CPEB4: variants seen among roughly 807,000 people sequenced by gnomAD.
CPEB4 encodes the protein cytoplasmic polyadenylation element-binding protein 4.
In CPEB4, 12 loss-of-function variants were observed where a neutral mutation model predicts 72.5. That is an observed-to-expected ratio of 0.17 (90% CI 0.11 to 0.27). The LOEUF is 0.27. Ranked by LOEUF, CPEB4 falls within the 10% of genes least tolerant of loss-of-function variation. CPEB4 has a pLI of 1.00. For synonymous variants in CPEB4, 302 were observed against 326.3 expected (o/e 0.93, Z 0.80); for missense variants, 614 against 908.5 (o/e 0.68, Z 4.17).
intron 3 of CPEB4, among the ~76,000 whole-genome samples, chr5:173,933,898 C>G (rs10516108): frequency 0.1 from 15,847 of 152,142 alleles, 1,089 homozygotes; most frequent in Middle Eastern, 0.21. Context: ...AAGCTAAATT[C>G]ACTTAACTAG....
At chr5:173,914,772 A>T (rs1355432286) in intron 2 of CPEB4, among the ~76,000 whole-genome samples, 1 of 152,194 alleles carries the variant, frequency 6.6e-6, no homozygotes, top group Non-Finnish European at 1.5e-5. Context: ...AAGGAAAGAG[A>T]AGAAAATTCG....
chr5:173,888,492 G>C lies in CPEB4; in HGVS notation c.-1242G>C. The C allele has an allele frequency of 2.3e-6, 1 of 428,174 alleles. No homozygotes were observed. Among genetic ancestry groups the C allele is most frequent in the Non-Finnish European group, 4.1e-6 (1 of 245,186 alleles). The allele number at this position is 428,174 out of a possible 1,614,324, so 26.5% of individuals were successfully genotyped here. A position where few individuals can be genotyped will look rare whatever the true frequency, so the allele number is the denominator to read the frequency against. ...AAGGAAAGAAAAAGAAGAACCAGGA[G>C]GAGTCCTCAACAACGACAGCGGGGA... On this transcript the variant is annotated 5_prime_UTR_variant, in exon 1 of 10. Transcript: ENST00000265085. The surrounding 1 kb of genome is among the most constrained non-coding windows in gnomAD (Gnocchi z 4.3).
At position 173,960,155 on chromosome 5, in the gene CPEB4, AAC is replaced by A. The variant is rs552584560; in HGVS notation, c.*4022_*4023del. On this transcript the variant is annotated 3_prime_UTR_variant, in exon 10 of 10. Transcript: ENST00000265085. ...TGTATGTTCTACTCTTAAGTTATAT[AAC>A]ACAGTTCCTTTTTTAAAAGAGTTCA... 4.6e-4 allele frequency: 70 copies of A among 152,830 alleles called. No homozygotes were observed. The highest frequency in any genetic ancestry group is 1.6e-3 in the African/African-American group (66 of 41,568). The allele number at this position is 152,830 out of a possible 1,614,324, so 9.5% of individuals were successfully genotyped here.
intron 2 of CPEB4, among the ~76,000 whole-genome samples, chr5:173,926,963 A>C (rs1040993753): frequency 3.3e-5 from 5 of 152,176 alleles, no homozygotes; most frequent in African/African-American, 1.2e-4. Context: ...AGCCTGGCCA[A>C]CATGGTGAAA....
At position 173,907,528 on chromosome 5, in the gene CPEB4, C is replaced by T. The variant is rs894674719; in HGVS notation, c.1126-2995C>T. Among the ~76,000 whole-genome samples the T allele has an allele frequency of 3.3e-5, 5 of 152,248 alleles. No homozygotes were observed. In the East Asian group the frequency reaches 9.6e-4, roughly 29 times the overall value. ...AAAACAACACTAAACTTAATTCCTC[C>T]CCTCCCCCAAAAGAAAACATACAGC... On this transcript the variant is annotated intron_variant, in intron 1 of 9. Transcript: ENST00000265085.
At chr5:173,919,822 A>G (rs952998995) in intron 2 of CPEB4, among the ~76,000 whole-genome samples, 1 of 152,206 alleles carries the variant, frequency 6.6e-6, no homozygotes, top group African/African-American at 2.4e-5. Context: ...AAACTCCTGC[A>G]TGGACTTTCT....
At chr5:173,912,787 A>G (rs1045292718) in intron 2 of CPEB4, among the ~76,000 whole-genome samples, 3 of 151,420 alleles carry the variant, frequency 2.0e-5, no homozygotes, top group African/African-American at 4.8e-5. Context: ...TTAAAAAAAA[A>G]AAAAATTAGC....
chr5:173,942,123 A>G (rs1278095807), intron 3 of CPEB4, among the ~76,000 whole-genome samples: 1 of 152,210 alleles, frequency 6.6e-6, no homozygotes, highest in Non-Finnish European at 1.5e-5. Context: ...CACCTACCAC[A>G]TAACTAGTAT....
rs963554944 is a variant in CPEB4 at position 173,944,980 on chromosome 5, G to A, written c.1296G>A (p.Leu432=). Residue 432 remains leucine (L), a synonymous_variant, in exon 5 of 10, where the codon CTG becomes CTA. Coordinates refer to ENST00000265085, the MANE Select transcript of CPEB4 (RefSeq NM_030627.4). ...TTTCTATTCCAGGTCAGTCTTCACT[G>A]TTTCCAATGGAAGATGGATTCTTGG... ...TYGRRRGQSS[L]FPMEDGFLDD... The A allele has an allele frequency of 1.2e-6, 2 of 1,611,946 alleles. No individual in the cohort carries two copies. The highest frequency in any genetic ancestry group is 2.7e-5 in the African/African-American group (2 of 74,830).
chr5:173,901,121 A>C (rs1413522369), intron 1 of CPEB4, among the ~76,000 whole-genome samples: 3 of 152,248 alleles, frequency 2.0e-5, no homozygotes, highest in Admixed American at 6.5e-5. Flanking sequence ...TTTAATACAA[A>C]TAAGTGATGA....
At chr5:173,945,514 A>C (rs1052956657) in intron 5 of CPEB4, among the ~76,000 whole-genome samples, 1 of 152,214 alleles carries the variant, frequency 6.6e-6, no homozygotes, top group Non-Finnish European at 1.5e-5. Flanking sequence ...TGCTCCACAA[A>C]TGTATAGTTC....
chr5:173,942,911 TCA>T (rs1757896499), intron 3 of CPEB4, 113 bp from the exon 4 acceptor site: 5 of 1,004,864 alleles, frequency 5.0e-6, no homozygotes, highest in Non-Finnish European at 7.4e-6. Flanking sequence ...AAGAATATAG[TCA>T]CAGTTTTTCC....
rs776820720 is a variant in CPEB4 at position 173,959,792 on chromosome 5, G to A, written c.*3655G>A. 4 of 151,892 alleles carry A rather than the reference G, an allele frequency of 2.6e-5. No individual in the cohort carries two copies. Among genetic ancestry groups the A allele is most frequent in the Non-Finnish European group, 5.9e-5 (4 of 67,842 alleles). The allele number at this position is 151,892 out of a possible 1,614,324, so 9.4% of individuals were successfully genotyped here. A position where few individuals can be genotyped will look rare whatever the true frequency, so the allele number is the denominator to read the frequency against. ...TGTGATTGATAGCATTGTAAGAATC[G>A]GGACAATATTGTATTCAACTGTTTT... On this transcript the variant is annotated 3_prime_UTR_variant, in exon 10 of 10. Transcript: ENST00000265085.
Position 173,947,701 on chromosome 5 carries a change from T to C in CPEB4, c.1457-1807T>C, listed in dbSNP as rs528997619. On this transcript the variant is annotated intron_variant, in intron 5 of 9. Transcript: ENST00000265085. ...ACATACACAGATACAGAAATAGTTA[T>C]AAATTTGTGTTTGGGCGTGTATTTC... Among the ~76,000 whole-genome samples, 5 of 152,322 alleles carry C rather than the reference T, an allele frequency of 3.3e-5. No individual in the cohort carries two copies. The East Asian group carries it at 9.6e-4, about 29-fold the overall frequency.
chr5:173,904,664 A>G (rs989260063), intron 1 of CPEB4, among the ~76,000 whole-genome samples: 2 of 152,040 alleles, frequency 1.3e-5, no homozygotes, highest in Non-Finnish European at 2.9e-5. Flanking sequence ...GTTCTTTGCC[A>G]TGATCATTAC....
chr5:173,932,615 T>A, intron 3 of CPEB4, 115 bp downstream of exon 3: 1 of 704,070 alleles, frequency 1.4e-6, no homozygotes, highest in Non-Finnish European at 2.3e-6. Context: ...AAGTTGCTAT[T>A]AAACTATCAG....
chr5:173,950,023 A>C lies in CPEB4; in HGVS notation c.1610A>C (p.Glu537Ala), dbSNP rs1758163096. The change falls in exon 7 of 10, where the codon GAA (glutamate) becomes GCA (alanine). Residue 537 changes from glutamate to alanine, a missense_variant. By Grantham distance (107) the Glu-to-Ala change is moderately radical. Transcript: ENST00000265085. The surrounding 1 kb of genome is among the most constrained non-coding windows in gnomAD (Gnocchi z 5.0). ...CAGGCTCTCATTGATGCATGCATTG[A>C]AGAAGATGGAAAACTCTACCTTTGT... ...SVQALIDACI[E>A]EDGKLYLCVS... The C allele has an allele frequency of 6.2e-7, 1 of 1,612,720 alleles. No individual in the cohort carries two copies. The highest frequency in any genetic ancestry group is 1.3e-5 in the African/African-American group (1 of 74,940).
chr5:173,894,506 A>T (rs1295525603), intron 1 of CPEB4, among the ~76,000 whole-genome samples: 1 of 151,548 alleles, frequency 6.6e-6, no homozygotes, highest in Non-Finnish European at 1.5e-5. Context: ...CTGTAATCCC[A>T]GCTACTCCAG....
intron 2 of CPEB4, among the ~76,000 whole-genome samples, chr5:173,927,953 A>G (rs1385715507): frequency 6.6e-6 from 1 of 152,248 alleles, no homozygotes; most frequent in African/African-American, 2.4e-5. Flanking sequence ...CAAACAATGG[A>G]CTATTATTAA....
Sources: allele counts gnomAD v4.1 joint callset (sites outside exome capture counted in the v4.1 genomes callset), GRCh38; gene constraint gnomAD v4.1.1; non-coding constraint Gnocchi (gnomAD v3.1); transcripts MANE v1.5; gene names NCBI Gene and HGNC (gene_info 2026-07-23, HGNC 2026-07-21).